EIF4E2: variants seen among roughly 807,000 people sequenced by gnomAD.
EIF4E2 encodes eukaryotic translation initiation factor 4E family member 2, also known as eukaryotic translation initiation factor 4E type 2.
A neutral mutation model predicts 34.2 loss-of-function variants in EIF4E2; 13 were observed. The ratio of observed to expected loss-of-function variants is 0.38; its 90% CI spans 0.25 to 0.60. The LOEUF (loss-of-function observed/expected upper bound fraction) is 0.60. Among genes scored for constraint, EIF4E2 ranks in the 20% least tolerant of loss-of-function variants. The pLI is 0.62. For missense variants in EIF4E2, 222 were observed against 315.1 expected (o/e 0.70, Z 2.24); for synonymous variants, 100 against 106.6 (o/e 0.94, Z 0.38).
At chr2:232,579,615 T>C (rs1186633598) in intron 6 of EIF4E2, among the ~76,000 whole-genome samples, 1 of 152,220 alleles carries the variant, frequency 6.6e-6, no homozygotes, top group Non-Finnish European at 1.5e-5. Context: ...GGGCTGAGCA[T>C]ATTCTTTCCT....
At position 232,566,991 on chromosome 2, in the gene EIF4E2, C is replaced by T. The variant is rs758252930; in HGVS notation, c.528+10C>T. 1 of 1,589,346 alleles carries T rather than the reference C, an allele frequency of 6.3e-7. No homozygotes were observed. ...GTCTGTCCGCTTTCAGGTAAGCCAC[C>T]CATGAGCCAGGCTGGTTTCTTGTGT... On this transcript the variant is annotated intron_variant, in intron 5 of 6. Transcript: ENST00000258416. This position sits in a 1 kb window ranked among gnomAD's most constrained non-coding sequence, Gnocchi z 4.9.
At chr2:232,568,326 A>C in intron 6 of EIF4E2, 5 of 985,426 alleles carry the variant, frequency 5.1e-6, no homozygotes, top group Non-Finnish European at 6.0e-6. Context: ...AAGTGGGAAC[A>C]CTGCTATGGG....
chr2:232,577,621 C>T (rs926735780), intron 6 of EIF4E2, among the ~76,000 whole-genome samples: 4 of 152,188 alleles, frequency 2.6e-5, no homozygotes, highest in African/African-American at 4.8e-5. Context: ...ATTTGGACAA[C>T]GATTTTCCCC....
At chr2:232,570,299 T>C (rs868150487), downstream of EIF4E2, among the ~76,000 whole-genome samples, 9 of 152,216 alleles carry the variant, frequency 5.9e-5, no homozygotes, top group African/African-American at 2.2e-4. Context: ...TATCCAAAAT[T>C]GGTTGAAGTA....
chr2:232,570,883 G>C (rs1421354000), downstream of EIF4E2, among the ~76,000 whole-genome samples: 1 of 152,176 alleles, frequency 6.6e-6, no homozygotes, highest in Non-Finnish European at 1.5e-5. Context: ...GTTGCAGGGG[G>C]CTGAGATTGC....
chr2:232,565,230 T>C (rs1317471496), intron 4 of EIF4E2, among the ~76,000 whole-genome samples: 1 of 152,210 alleles, frequency 6.6e-6, no homozygotes, highest in Admixed American at 6.5e-5. Context: ...TCTCTAAATC[T>C]TCCCTTCCCT....
Position 232,566,031 on chromosome 2 carries a change from G to A in EIF4E2, c.376-798G>A, listed in dbSNP as rs533678404. Among the ~76,000 whole-genome samples the A allele has an allele frequency of 3.0e-4, 45 of 151,680 alleles. No homozygotes were observed. The highest frequency in any genetic ancestry group is 2.0e-3 in the Admixed American group (30 of 15,228). Reference sequence around the variant, plus strand: ...CGCTTGAACCCAAGAGGCAGAAGTGGCAGTGAGCCGATATCGCACCACTGC... The same window carrying A: ...CGCTTGAACCCAAGAGGCAGAAGTGACAGTGAGCCGATATCGCACCACTGC... On this transcript the variant is annotated intron_variant, in intron 4 of 6. Coordinates refer to ENST00000258416, the MANE Select transcript of EIF4E2 (RefSeq NM_004846.4). The surrounding 1 kb of genome is among the most constrained non-coding windows in gnomAD (Gnocchi z 4.9).
At chr2:232,568,893 C>T (rs372730337) in intron 6 of EIF4E2, 52 bp from the exon 7 acceptor site, 5 of 1,611,506 alleles carry the variant, frequency 3.1e-6, no homozygotes, top group Middle Eastern at 1.7e-4. Context: ...CTTTCCCTTG[C>T]GTCCCCCTCT....
chr2:232,564,744 C>T (rs1330276905), intron 4 of EIF4E2, among the ~76,000 whole-genome samples: 1 of 152,218 alleles, frequency 6.6e-6, no homozygotes, highest in Non-Finnish European at 1.5e-5. Context: ...AGCCACCGTG[C>T]CCAGCTGGTT....
chr2:232,553,319 T>A (rs562359590), intron 1 of EIF4E2, among the ~76,000 whole-genome samples: 3 of 152,368 alleles, frequency 2.0e-5, no homozygotes, highest in Non-Finnish European at 2.9e-5. Flanking sequence ...TCATTTGCTT[T>A]TTATTCTATA....
chr2:232,573,203 T>G (rs778057962), downstream of EIF4E2, among the ~76,000 whole-genome samples: 16 of 152,216 alleles, frequency 1.1e-4, no homozygotes, highest in Non-Finnish European at 2.1e-4. Flanking sequence ...CACTAGGAGC[T>G]TTGGTAATAA....
At position 232,569,100 on chromosome 2, in the gene EIF4E2, C is replaced by G; in HGVS notation, c.*83C>G. ...TCTGTTGGCGTGCTACCTGGAAGATCCTTCTGTCCTGGACAAGAGGAATTG... is the reference window on the plus strand; with the variant it reads ...TCTGTTGGCGTGCTACCTGGAAGATGCTTCTGTCCTGGACAAGAGGAATTG... On this transcript the variant is annotated 3_prime_UTR_variant, in exon 7 of 7. Coordinates refer to ENST00000258416, the MANE Select transcript of EIF4E2 (RefSeq NM_004846.4). The G allele has an allele frequency of 6.4e-7, 1 of 1,570,094 alleles. No individual in the cohort carries two copies. The highest frequency in any genetic ancestry group is 8.6e-7 in the Non-Finnish European group (1 of 1,156,210).
At chr2:232,567,772 A>G in intron 6 of EIF4E2, 1 of 987,160 alleles carries the variant, frequency 1.0e-6, no homozygotes, top group South Asian at 4.7e-5. Flanking sequence ...TAAGCTTGGC[A>G]ATCTCCCTAG....
At chr2:232,565,819 C>T (rs1490282602) in intron 4 of EIF4E2, among the ~76,000 whole-genome samples, 4 of 151,522 alleles carry the variant, frequency 2.6e-5, no homozygotes, top group African/African-American at 4.8e-5. Flanking sequence ...TTCAGCCAGG[C>T]GCAGTGGCTC....
At chr2:232,572,958 T>C (rs561475752), downstream of EIF4E2, among the ~76,000 whole-genome samples, 1 of 152,254 alleles carries the variant, frequency 6.6e-6, no homozygotes, top group Non-Finnish European at 1.5e-5. Flanking sequence ...GTGAGGGGTT[T>C]CCCTGGGTCA....
intron 3 of EIF4E2, among the ~76,000 whole-genome samples, chr2:232,559,926 G>T (rs1410648617): frequency 6.6e-6 from 1 of 151,786 alleles, no homozygotes. Context: ...AGGAGGTTAA[G>T]ACTACAGTGA....
chr2:232,567,711 G>C (rs1177144212), intron 6 of EIF4E2: 1 of 994,490 alleles, frequency 1.0e-6, no homozygotes, highest in African/African-American at 1.7e-5. Flanking sequence ...GGGGGATAGT[G>C]TGTGTGTGAG....
chr2:232,567,687 G>A, intron 6 of EIF4E2: 1 of 1,006,502 alleles, frequency 9.9e-7, no homozygotes, highest in South Asian at 4.6e-5. Flanking sequence ...GTATAGAGCT[G>A]ACTCTTAGAA....
chr2:232,562,621 T>G (rs1466987411), intron 3 of EIF4E2, among the ~76,000 whole-genome samples: 1 of 152,178 alleles, frequency 6.6e-6, no homozygotes, highest in South Asian at 2.1e-4. Flanking sequence ...GATTGTGCAG[T>G]GTAGTTGTAA....
Sources: allele counts gnomAD v4.1 joint callset (sites outside exome capture counted in the v4.1 genomes callset), GRCh38; gene constraint gnomAD v4.1.1; non-coding constraint Gnocchi (gnomAD v3.1); transcripts MANE v1.5; gene names NCBI Gene and HGNC (gene_info 2026-07-23, HGNC 2026-07-21).